ATP8B4: variants seen among roughly 807,000 people sequenced by gnomAD.
ATP8B4 encodes the protein ATPase phospholipid transporting 8B4 (putative), also known as probable phospholipid-transporting ATPase IM.
A neutral mutation model predicts 145.6 loss-of-function variants in ATP8B4; 133 were observed. That is an observed-to-expected ratio of 0.91 (90% confidence interval 0.79 to 1.05). The LOEUF is 1.05. Among genes scored for constraint, ATP8B4 ranks in the 50% least tolerant of loss-of-function variants. ATP8B4 has a pLI of 0.00. For synonymous variants in ATP8B4, 507 were observed against 492.9 expected (o/e 1.03, Z -0.38); for missense variants, 1,458 against 1,425.2 (o/e 1.02, Z -0.37).
At chr15:50,130,651 C>T (rs2057339618) in intron 1 of ATP8B4, among the ~76,000 whole-genome samples, 1 of 152,026 alleles carries the variant, frequency 6.6e-6, no homozygotes, top group African/African-American at 2.4e-5. Flanking sequence ...TGGCAGGCGC[C>T]TGTAGTCCCA....
At chr15:49,867,740 C>T (rs921188767) in intron 25 of ATP8B4, among the ~76,000 whole-genome samples, 13 of 151,998 alleles carry the variant, frequency 8.6e-5, no homozygotes, top group East Asian at 3.9e-4. Flanking sequence ...CAGACAAGCA[C>T]GATAACAACA....
At chr15:50,120,119 A>C (rs1012388401), upstream of ATP8B4, among the ~76,000 whole-genome samples, 11 of 152,116 alleles carry the variant, frequency 7.2e-5, no homozygotes, top group African/African-American at 2.7e-4. Context: ...TTGCCAGTTA[A>C]GTACTGAAAT....
At chr15:49,913,653 G>C (rs1488806032) in intron 20 of ATP8B4, among the ~76,000 whole-genome samples, 2 of 152,266 alleles carry the variant, frequency 1.3e-5, no homozygotes, top group South Asian at 2.1e-4. Flanking sequence ...TCTTAGAACT[G>C]ATAACCAAAT....
At chr15:50,108,498 C>CCTTCCCTGCTCCCATG (rs1259633181) in intron 1 of ATP8B4, among the ~76,000 whole-genome samples, 1 of 152,178 alleles carries the variant, frequency 6.6e-6, no homozygotes, top group African/African-American at 2.4e-5. Flanking sequence ...TCATCACTCT[C>CCTTCCCTGCTCCCATG]CTTCCCTGCT....
Position 49,953,883 on chromosome 15 carries a change from G to A in ATP8B4, c.1287+8094C>T, listed in dbSNP as rs116090763. ...TGGAAAAAGCACAGTTTCCCCGGCT[G>A]GGTAGCGTGCTCACTCACTGCCTCC... On this transcript the variant is annotated intron_variant, in intron 14 of 27. Coordinates refer to ENST00000284509, the MANE Select transcript of ATP8B4 (RefSeq NM_024837.4). 3.8e-3 allele frequency among the ~76,000 whole-genome samples: 575 copies of A among 152,320 alleles called. 7 individuals are homozygous for A. Among genetic ancestry groups the A allele is most frequent in the African/African-American group, 0.013 (559 of 41,568 alleles).
intron 2 of ATP8B4, among the ~76,000 whole-genome samples, chr15:50,075,517 C>T (rs1035659040): frequency 2.0e-5 from 3 of 152,180 alleles, no homozygotes; most frequent in Non-Finnish European, 2.9e-5. Context: ...CCAGTAACCA[C>T]CTGCATGGTT....
Position 49,891,321 on chromosome 15 carries a change from T to C in ATP8B4, c.2697+5971A>G, listed in dbSNP as rs867884571. On this transcript the variant is annotated intron_variant, in intron 23 of 27. Coordinates refer to ENST00000284509, the MANE Select transcript of ATP8B4 (RefSeq NM_024837.4). ...CAAATTACCTTTAAATACAAGTTTG[T>C]TTGTTTGTTGTTTGTTTGCTTTGAG... Among the ~76,000 whole-genome samples the C allele has an allele frequency of 2.9e-4, 44 of 151,760 alleles. No individual in the cohort carries two copies. The Middle Eastern group carries it at 0.01, about 35-fold the overall frequency.
At chr15:50,015,920 T>C (rs772283180) in intron 6 of ATP8B4, among the ~76,000 whole-genome samples, 2 of 152,196 alleles carry the variant, frequency 1.3e-5, no homozygotes, top group Non-Finnish European at 2.9e-5. Context: ...CTGCTGAAGA[T>C]GCTCTCTCAC....
At chr15:50,068,748 G>T (rs1258409770) in intron 3 of ATP8B4, among the ~76,000 whole-genome samples, 1 of 152,154 alleles carries the variant, frequency 6.6e-6, no homozygotes, top group Non-Finnish European at 1.5e-5. Flanking sequence ...AAGTTCAAGA[G>T]AATTGAATGG....
At chr15:50,039,179 C>T (rs891260955) in intron 5 of ATP8B4, among the ~76,000 whole-genome samples, 2 of 152,226 alleles carry the variant, frequency 1.3e-5, no homozygotes, top group Admixed American at 1.3e-4. Context: ...AGGAATGGGG[C>T]TTCCATTTCT....
intron 14 of ATP8B4, among the ~76,000 whole-genome samples, chr15:49,947,944 T>C (rs1294573979): frequency 1.3e-5 from 2 of 152,148 alleles, no homozygotes; most frequent in Non-Finnish European, 2.9e-5. Context: ...TGGACCATTA[T>C]CTTACATCTA....
At position 49,916,946 on chromosome 15, in the gene ATP8B4, C is replaced by T. The variant is rs2039800155; in HGVS notation, c.2129G>A (p.Arg710Lys). The part of the protein sequence containing the change: ...VIAGNNAVEV[R>K]EELRKAKQNL... ...CTTCAACACCTACCTGAGTTCTTCT[C>T]TCACTTCCACAGCATTATTCCCTGC... The change falls in exon 20 of 28, where the codon AGA becomes AAA. Residue 710 changes from arginine (R) to lysine (K), a missense_variant. By Grantham distance (26) the Arg-to-Lys change is conservative (BLOSUM62 2). Coordinates refer to ENST00000284509, the MANE Select transcript of ATP8B4 (RefSeq NM_024837.4). 6.2e-7 allele frequency: 1 copy of T among 1,613,550 alleles called. No individual in the cohort carries two copies. The highest frequency in any genetic ancestry group is 1.1e-5 in the South Asian group (1 of 91,004).
intron 13 of ATP8B4, among the ~76,000 whole-genome samples, chr15:49,967,440 G>C (rs2044656836): frequency 6.6e-6 from 1 of 152,308 alleles, no homozygotes; most frequent in African/African-American, 2.4e-5. Context: ...ACCTGATGGA[G>C]CTGAAAAACA....
At chr15:50,169,954 T>C (rs2044647838) in intron 1 of ATP8B4, among the ~76,000 whole-genome samples, 1 of 152,042 alleles carries the variant, frequency 6.6e-6, no homozygotes, top group South Asian at 2.1e-4. Context: ...GACATGGTCT[T>C]CGAATTAACC....
intron 5 of ATP8B4, 30 bp from the exon 6 acceptor site, chr15:50,038,859 A>G: frequency 3.1e-6 from 5 of 1,592,248 alleles, no homozygotes; most frequent in Non-Finnish European, 4.3e-6. Context: ...GTGAGAAAAC[A>G]CATTACAAGG....
intron 2 of ATP8B4, among the ~76,000 whole-genome samples, chr15:50,077,979 G>A (rs1299983646): frequency 3.3e-5 from 5 of 152,092 alleles, no homozygotes; most frequent in African/African-American, 9.7e-5. Flanking sequence ...AGACCCTGGC[G>A]ATGGCACTAA....
At position 49,920,342 on chromosome 15, in the gene ATP8B4, T is replaced by C. The variant is rs147463457; in HGVS notation, c.1827A>G (p.Lys609=). The change falls in exon 18 of 28, where the codon AAA becomes AAG. Residue 609 remains lysine, a synonymous_variant. Coordinates refer to ENST00000284509, the MANE Select transcript of ATP8B4 (RefSeq NM_024837.4). The part of the protein sequence containing the change: ...AYRDLDDKYF[K]EWHKMLEDAN... ...CATCTTCAAGCATCTTATGCCACTCTTTAAAGTACTTGTCATCCAGGTCTC... is the reference window on the plus strand; with the variant it reads ...CATCTTCAAGCATCTTATGCCACTCCTTAAAGTACTTGTCATCCAGGTCTC... The C allele has an allele frequency of 4.3e-6, 7 of 1,614,140 alleles. No individual in the cohort carries two copies. In the African/African-American group the frequency reaches 8.0e-5, roughly 18 times the overall value.
intron 2 of ATP8B4, among the ~76,000 whole-genome samples, chr15:50,077,011 A>G (rs1050390404): frequency 6.6e-6 from 1 of 152,344 alleles, no homozygotes; most frequent in South Asian, 2.1e-4. Flanking sequence ...AACTATTCCC[A>G]TTGAGAACGG....
Position 49,934,195 on chromosome 15 carries a change from A to G in ATP8B4, c.1288-13T>C. 6.3e-7 allele frequency: 1 copy of G among 1,589,318 alleles called. No individual in the cohort carries two copies. The highest frequency in any genetic ancestry group is 8.5e-7 in the Non-Finnish European group (1 of 1,171,826). On this transcript the variant is annotated splice_polypyrimidine_tract_variant and intron_variant, in intron 14 of 27. Coordinates refer to ENST00000284509, the MANE Select transcript of ATP8B4 (RefSeq NM_024837.4). ...CAGGCTCTTTTTCCTGTAGGAGAACAACAACAACAAAAATAACCAAAACCT... is the reference window on the plus strand; with the variant it reads ...CAGGCTCTTTTTCCTGTAGGAGAACGACAACAACAAAAATAACCAAAACCT...
Sources: gnomAD v4.1 joint callset for allele counts (sites outside exome capture counted in the v4.1 genomes callset) on GRCh38, gnomAD v4.1.1 for gene constraint, MANE v1.5 for transcripts, NCBI Gene and HGNC (gene_info 2026-07-23, HGNC 2026-07-21) for gene names.